The following ST6GALNAC5 variants were observed in gnomAD, a reference collection of about 807,000 sequenced individuals.
The protein encoded by ST6GALNAC5 is alpha-N-acetylgalactosaminide alpha-2,6-sialyltransferase 5.
In ST6GALNAC5, 27 loss-of-function variants were observed where a neutral mutation model predicts 33.6. The ratio of observed to expected loss-of-function variants is 0.80; its 90% CI spans 0.59 to 1.11. The LOEUF (loss-of-function observed/expected upper bound fraction) is 1.11, where lower values mean the gene tolerates loss of function less well. Ranked by LOEUF, ST6GALNAC5 falls within the 50% of genes least tolerant of loss-of-function variation. The pLI is 0.00. For missense variants in ST6GALNAC5, 428 were observed against 454.0 expected (o/e 0.94, Z 0.52); for synonymous variants, 194 against 171.2 (o/e 1.13, Z -1.04).
At chr1:76,947,473 C>T (rs781338917) in intron 2 of ST6GALNAC5, among the ~76,000 whole-genome samples, 2 of 152,116 alleles carry the variant, frequency 1.3e-5, no homozygotes, top group African/African-American at 2.4e-5. Context: ...TGGTGGTTCA[C>T]ACCTGTAATC....
intron 4 of ST6GALNAC5, among the ~76,000 whole-genome samples, chr1:77,055,519 A>G (rs1443958658): frequency 3.3e-5 from 5 of 152,256 alleles, no homozygotes. Flanking sequence ...ACCATTTTAC[A>G]TAGAAGGCTT....
chr1:76,989,010 A>G (rs1421710625), intron 2 of ST6GALNAC5, among the ~76,000 whole-genome samples: 1 of 152,144 alleles, frequency 6.6e-6, no homozygotes, highest in Non-Finnish European at 1.5e-5. Flanking sequence ...TGTATCTGGT[A>G]TTCAGAGTTG....
At chr1:77,028,027 G>T (rs140716803) in intron 2 of ST6GALNAC5, among the ~76,000 whole-genome samples, 1 of 152,156 alleles carries the variant, frequency 6.6e-6, no homozygotes, top group Non-Finnish European at 1.5e-5. Flanking sequence ...AGGGCAGTGG[G>T]GACTGCAGTC....
In ST6GALNAC5 at chr1:76,948,587, CAGAGAGAGAGAGAGAG is replaced by C. The variant is rs60959607; in HGVS notation, c.261+79869_261+79884del. Among the ~76,000 whole-genome samples the C allele has an allele frequency of 9.6e-4, 125 of 129,730 alleles. 2 individuals are homozygous for C. Among genetic ancestry groups the C allele is most frequent in the African/African-American group, 3.2e-3 (113 of 34,828 alleles). 85.1% of individuals were successfully genotyped at this position (129,730 alleles called of 152,430 possible). On this transcript the variant is annotated intron_variant, in intron 2 of 4. Transcript: ENST00000477717. ...AGAGAGAGAGGTATGGGAGTGGGGA[CAGAGAGAGAGAGAGAG>C]AGAGAGAGAGAGAGAGAGAGAGAAC...
intron 2 of ST6GALNAC5, among the ~76,000 whole-genome samples, chr1:76,919,735 A>G (rs115153243): frequency 1.1e-3 from 167 of 152,288 alleles, no homozygotes; most frequent in Non-Finnish European, 1.8e-3. Context: ...TAGTTACTTG[A>G]AAAACAAACA....
intron 2 of ST6GALNAC5, among the ~76,000 whole-genome samples, chr1:77,017,456 C>T (rs1650894158): frequency 6.6e-6 from 1 of 152,130 alleles, no homozygotes. Flanking sequence ...GGGTGAGGGT[C>T]AAGGGCACGG....
chr1:76,937,952 G>A (rs1047197707), intron 2 of ST6GALNAC5, among the ~76,000 whole-genome samples: 6 of 151,998 alleles, frequency 3.9e-5, no homozygotes, highest in South Asian at 2.1e-4. Flanking sequence ...GTTTCCTGTC[G>A]GATTTAGTTT....
intron 2 of ST6GALNAC5, among the ~76,000 whole-genome samples, chr1:77,043,813 A>C (rs1651911251): frequency 6.6e-6 from 1 of 152,226 alleles, no homozygotes; most frequent in East Asian, 1.9e-4. Context: ...AGCCGGAAGC[A>C]CAACTTTATT....
chr1:77,044,405 A>T lies in ST6GALNAC5; in HGVS notation c.463A>T (p.Asn155Tyr), dbSNP rs34735755. 158 of 1,613,172 alleles carry T rather than the reference A, an allele frequency of 9.8e-5. No individual in the cohort carries two copies. The highest frequency in any genetic ancestry group is 1.3e-4 in the Non-Finnish European group (153 of 1,179,570). ...TTCCAGCATCCAGAGGATCCTCCGC[A>T]ACCGCCATGACCTGCTCAACGTGAG... ...AHSSIQRILR[N>Y]RHDLLNVSQG... The change falls in exon 3 of 5, where the codon AAC becomes TAC. Residue 155 changes from asparagine to tyrosine, a missense_variant. Transcript: ENST00000477717.
chr1:76,992,267 C>G (rs1649765188), intron 2 of ST6GALNAC5, among the ~76,000 whole-genome samples: 1 of 152,164 alleles, frequency 6.6e-6, no homozygotes, highest in South Asian at 2.1e-4. Context: ...TCTCCACTGC[C>G]AGCCCTGCTT....
At chr1:76,954,335 A>T (rs12722889) in intron 2 of ST6GALNAC5, among the ~76,000 whole-genome samples, 48,854 of 152,008 alleles carry the variant, frequency 0.32, 9,648 homozygotes, top group Non-Finnish European at 0.43. Context: ...TTATAAGAAC[A>T]CATGGACACA....
chr1:77,015,917 C>A (rs945580161), intron 2 of ST6GALNAC5, among the ~76,000 whole-genome samples: 1 of 151,852 alleles, frequency 6.6e-6, no homozygotes, highest in Non-Finnish European at 1.5e-5. Context: ...TTCGGGGAGG[C>A]GTGTGTGAGC....
At chr1:76,876,336 A>G (rs964722808) in intron 2 of ST6GALNAC5, among the ~76,000 whole-genome samples, 1 of 150,784 alleles carries the variant, frequency 6.6e-6, no homozygotes, top group African/African-American at 2.4e-5. Flanking sequence ...CCCATGTGTA[A>G]CCTCCATCCC....
intron 2 of ST6GALNAC5, among the ~76,000 whole-genome samples, chr1:77,011,381 A>G (rs1479814583): frequency 1.3e-5 from 2 of 152,194 alleles, no homozygotes; most frequent in East Asian, 3.9e-4. Flanking sequence ...TAACCCCTGG[A>G]GTCATCGAGT....
intron 2 of ST6GALNAC5, among the ~76,000 whole-genome samples, chr1:76,911,287 T>G (rs1448468081): frequency 6.6e-6 from 1 of 152,178 alleles, no homozygotes; most frequent in Non-Finnish European, 1.5e-5. Flanking sequence ...ATCCCAGGGA[T>G]GAAGCCCACT....
chr1:76,890,356 C>T (rs1347481951), intron 2 of ST6GALNAC5, among the ~76,000 whole-genome samples: 1 of 152,106 alleles, frequency 6.6e-6, no homozygotes, highest in Non-Finnish European at 1.5e-5. Flanking sequence ...TGGATTTTCT[C>T]TTTCTAGTTT....
At chr1:77,060,738 C>G (rs948812220) in intron 4 of ST6GALNAC5, among the ~76,000 whole-genome samples, 3 of 152,056 alleles carry the variant, frequency 2.0e-5, no homozygotes, top group African/African-American at 7.2e-5. Context: ...GGAAATTGAT[C>G]CTGTAGCATC....
intron 2 of ST6GALNAC5, among the ~76,000 whole-genome samples, chr1:76,969,357 G>A (rs999479619): frequency 1.3e-5 from 2 of 152,182 alleles, no homozygotes; most frequent in Admixed American, 6.5e-5. Flanking sequence ...CTTAGCAAAC[G>A]GCACACCAGG....
In ST6GALNAC5 at chr1:76,907,250, T is replaced by A. The variant is rs1646872485; in HGVS notation, c.261+38508T>A. ...TTGGGTTTCTGTTCTTAGGATGAACTCCTCAACATGGTGTGTAAGATTCTA... is the reference window on the plus strand; with the variant it reads ...TTGGGTTTCTGTTCTTAGGATGAACACCTCAACATGGTGTGTAAGATTCTA... On this transcript the variant is annotated intron_variant, in intron 2 of 4. Coordinates refer to ENST00000477717, the MANE Select transcript of ST6GALNAC5 (RefSeq NM_030965.3). Among the ~76,000 whole-genome samples the A allele has an allele frequency of 2.0e-5, 3 of 152,242 alleles. No homozygotes were observed. In the South Asian group the frequency reaches 6.2e-4, roughly 32 times the overall value.
Sources: gnomAD v4.1 joint callset for allele counts (sites outside exome capture counted in the v4.1 genomes callset) on GRCh38, gnomAD v4.1.1 for gene constraint, MANE v1.5 for transcripts, NCBI Gene and HGNC (gene_info 2026-07-23, HGNC 2026-07-21) for gene names.